SRSF1: variants seen among roughly 807,000 people sequenced by gnomAD.
SRSF1 encodes the protein serine/arginine-rich splicing factor 1.
Under a neutral mutation model 25.9 loss-of-function variants are expected in SRSF1, and 1 was observed. The ratio of observed to expected loss-of-function variants is 0.04; its 90% CI spans 0.01 to 0.18. The LOEUF is 0.18. Among genes scored for constraint, SRSF1 ranks in the 10% least tolerant of loss-of-function variants. SRSF1 has a pLI of 1.00. For synonymous variants in SRSF1, 132 were observed against 126.2 expected, an observed-to-expected ratio of 1.05 and a Z score of -0.31; for missense variants, 65 against 350.5, an observed-to-expected ratio of 0.19 and a Z score of 6.50.
the SRSF1 span, chr17:57,993,086 T>G: frequency 6.6e-6 from 1 of 152,324 alleles, no homozygotes; most frequent in East Asian, 1.9e-4. Context: ...TTTCTTGACC[T>G]TGAGAAGTAG....
chr17:57,995,604 A>T, the SRSF1 span, among the ~76,000 whole-genome samples: 6 of 152,226 alleles, frequency 3.9e-5, no homozygotes, highest in Non-Finnish European at 8.8e-5. Flanking sequence ...CAAAGACAGC[A>T]CCATGGGACA....
chr17:57,995,564 A>T, the SRSF1 span, among the ~76,000 whole-genome samples: 3 of 152,194 alleles, frequency 2.0e-5, no homozygotes, highest in African/African-American at 7.2e-5. Flanking sequence ...CTCTAGAACA[A>T]CCCTCAGCAC....
intron 2 of SRSF1, 94 bp downstream of exon 2, chr17:58,006,249 T>C (rs2075426339): frequency 7.0e-7 from 1 of 1,436,932 alleles, no homozygotes; most frequent in Non-Finnish European, 9.4e-7. Context: ...AGACCTAGCA[T>C]GAAAAATTTG....
At chr17:57,991,555 A>C in the SRSF1 span, 29 of 152,340 alleles carry the variant, frequency 1.9e-4, no homozygotes, top group African/African-American at 6.7e-4. Context: ...AGAAATACCA[A>C]AAAGTATTGG....
intron 2 of SRSF1, 79 bp from the exon 3 acceptor site, chr17:58,006,052 G>A (rs966688079): frequency 2.9e-6 from 4 of 1,399,292 alleles, no homozygotes; most frequent in African/African-American, 1.4e-5. Flanking sequence ...TTAGGACAAA[G>A]AGTACTTTAA....
In SRSF1 at chr17:58,003,599, T is replaced by G. The variant is rs2075407723; in HGVS notation, c.*1807A>C. ...TGTTTTCTTTAAATTTAGAAGTGAC[T>G]TACTGATTTACTATTTTAAACAAAC... On this transcript the variant is annotated 3_prime_UTR_variant, in exon 4 of 4. Coordinates refer to ENST00000258962, the MANE Select transcript of SRSF1 (RefSeq NM_006924.5). 1 of 152,252 alleles carries G rather than the reference T, an allele frequency of 6.6e-6. No homozygotes were observed. Among genetic ancestry groups the G allele is most frequent in the Non-Finnish European group, 1.5e-5 (1 of 68,042 alleles). The allele number at this position is 152,252 out of a possible 1,614,324, so 9.4% of individuals were successfully genotyped here.
At chr17:57,990,025 T>A in the SRSF1 span, 1 of 334,422 alleles carries the variant, frequency 3.0e-6, no homozygotes, top group Non-Finnish European at 5.4e-6. Flanking sequence ...AAGGTCTCTG[T>A]GATGCACTCC....
At position 58,001,422 on chromosome 17, in the gene SRSF1, ACTTAG is replaced by A. The variant is rs1366683238; in HGVS notation, c.*3979_*3983del. Among the ~76,000 whole-genome samples, 4 of 152,200 alleles carry A rather than the reference ACTTAG, an allele frequency of 2.6e-5. No homozygotes were observed. The highest frequency in any genetic ancestry group is 5.9e-5 in the Non-Finnish European group (4 of 68,018). The stretch of plus-strand genomic sequence containing the variant: ...CAAACAGCATTTTAAAAAACATTAA[ACTTAG>A]CTTAGTTTTAAAAACAAAATTCAGA... On this transcript the variant is annotated 3_prime_UTR_variant, in exon 4 of 4. Coordinates refer to ENST00000258962, the MANE Select transcript of SRSF1 (RefSeq NM_006924.5).
chr17:57,996,343 G>T (rs1414382206), downstream of SRSF1, among the ~76,000 whole-genome samples: 2 of 151,950 alleles, frequency 1.3e-5, no homozygotes. Flanking sequence ...AATTAGCTAG[G>T]TGTGGTGGCA....
the SRSF1 span, chr17:57,989,834 C>G: frequency 2.5e-6 from 1 of 398,244 alleles, no homozygotes; most frequent in Admixed American, 4.4e-5. Flanking sequence ...GAAAGAGTTT[C>G]TGATACATTT....
chr17:57,990,907 T>C, the SRSF1 span: 2 of 152,222 alleles, frequency 1.3e-5, no homozygotes, highest in Non-Finnish European at 2.9e-5. Flanking sequence ...CTTCCTCATC[T>C]GGAAAATTAG....
chr17:58,006,898 T>C lies in SRSF1; in HGVS notation c.194+46A>G, dbSNP rs747409288. ...TTAAGGCCTTGGAGCCTTCCCCAACTACTCGGACCTATTTCCTCAAGGCTG... is the reference window on the plus strand; with the variant it reads ...TTAAGGCCTTGGAGCCTTCCCCAACCACTCGGACCTATTTCCTCAAGGCTG... On this transcript the variant is annotated intron_variant, in intron 1 of 3. Transcript: ENST00000258962. 7 of 1,603,684 alleles carry C rather than the reference T, an allele frequency of 4.4e-6. No individual in the cohort carries two copies. In the South Asian group the frequency reaches 4.4e-5, roughly 10 times the overall value.
At chr17:57,992,033 A>G in the SRSF1 span, 1 of 152,200 alleles carries the variant, frequency 6.6e-6, no homozygotes, top group Admixed American at 6.5e-5. Flanking sequence ...ACAATCCAAG[A>G]CTTCAAAAAT....
At chr17:57,992,504 AT>A in the SRSF1 span, 18 of 152,220 alleles carry the variant, frequency 1.2e-4, no homozygotes, top group Admixed American at 3.9e-4. Context: ...AAATAAAAAA[AT>A]AAACTAAATT....
chr17:57,990,669 G>A, the SRSF1 span: 5 of 152,212 alleles, frequency 3.3e-5, no homozygotes, highest in African/African-American at 1.2e-4. Flanking sequence ...TCAAAAGACA[G>A]ATGTCCAAAG....
chr17:57,989,408 C>T, the SRSF1 span: 2 of 397,708 alleles, frequency 5.0e-6, no homozygotes, highest in African/African-American at 2.1e-5. Context: ...TTCAGATGGA[C>T]GCATTATTTT....
Position 58,006,533 on chromosome 17 carries a change from G to A in SRSF1, c.195-6C>T. ...ACACCGCGTCTTCCGCGTCTCTGCG[G>A]GATCGCAGAAAGTAAAAGGGATGAG... is the stretch of plus-strand genomic sequence containing the variant. On this transcript the variant is annotated splice_polypyrimidine_tract_variant and splice_region_variant and intron_variant, in intron 1 of 3. Coordinates refer to ENST00000258962, the MANE Select transcript of SRSF1 (RefSeq NM_006924.5). 1.2e-6 allele frequency: 2 copies of A among 1,609,266 alleles called. No individual in the cohort carries two copies. Among genetic ancestry groups the A allele is most frequent in the Non-Finnish European group, 1.7e-6 (2 of 1,177,292 alleles).
downstream of SRSF1, among the ~76,000 whole-genome samples, chr17:58,000,175 T>A (rs1235242462): frequency 6.6e-6 from 1 of 152,198 alleles, no homozygotes; most frequent in Non-Finnish European, 1.5e-5. Context: ...AAATCCTTCC[T>A]TTAATCACTA....
chr17:57,989,270 C>G, the SRSF1 span: 1 of 398,504 alleles, frequency 2.5e-6, no homozygotes, highest in East Asian at 3.6e-5. Flanking sequence ...AGGGAAGCTA[C>G]TGGGAATATC....
Sources: gnomAD v4.1 joint callset for allele counts (sites outside exome capture counted in the v4.1 genomes callset) on GRCh38, gnomAD v4.1.1 for gene constraint, MANE v1.5 for transcripts, NCBI Gene and HGNC (gene_info 2026-07-23, HGNC 2026-07-21) for gene names.